Variants in CPQ observed in about 807,000 individuals in gnomAD.
The protein encoded by CPQ is Ser-Met dipeptidase.
CPQ carries 37 observed loss-of-function variants against 45.7 expected under a neutral mutation model. That is an observed-to-expected ratio of 0.81 (90% confidence interval 0.62 to 1.07). CPQ has a LOEUF of 1.07. CPQ is among the 50% of genes least tolerant of loss of function. The probability of loss-of-function intolerance (pLI) is 0.00; values close to 1 mark genes in which losing one functional copy is unlikely to be tolerated. For synonymous variants in CPQ, 186 were observed against 205.8 expected (o/e 0.90, Z 0.82); for missense variants, 537 against 572.9 (o/e 0.94, Z 0.64).
chr8:96,796,420 T>C (rs1810930005), intron 2 of CPQ, among the ~76,000 whole-genome samples: 1 of 152,236 alleles, frequency 6.6e-6, no homozygotes, highest in Middle Eastern at 3.2e-3. Context: ...TTGATTGTCC[T>C]ATTTTATTCA....
At chr8:97,130,932 A>C (rs1811944556) in intron 7 of CPQ, among the ~76,000 whole-genome samples, 1 of 152,268 alleles carries the variant, frequency 6.6e-6, no homozygotes, top group East Asian at 1.9e-4. Flanking sequence ...TTCATCAGGT[A>C]GTCAGTTAAA....
At chr8:96,722,824 C>T (rs1437136044) in intron 1 of CPQ, among the ~76,000 whole-genome samples, 1 of 152,116 alleles carries the variant, frequency 6.6e-6, no homozygotes, top group Non-Finnish European at 1.5e-5. Context: ...CATCTATTTT[C>T]TTGATTTCCC....
intron 2 of CPQ, among the ~76,000 whole-genome samples, chr8:96,808,370 A>C (rs1811113258): frequency 1.3e-5 from 2 of 152,154 alleles, no homozygotes; most frequent in South Asian, 4.1e-4. Context: ...ATGGGATCAC[A>C]GTGAGCCTGG....
intron 1 of CPQ, among the ~76,000 whole-genome samples, chr8:96,740,195 T>G (rs1810064550): frequency 6.6e-6 from 1 of 152,166 alleles, no homozygotes; most frequent in African/African-American, 2.4e-5. Context: ...GTAAGTTGGA[T>G]TCCTAGGTAT....
chr8:97,113,535 C>A (rs1341424514), intron 7 of CPQ, among the ~76,000 whole-genome samples: 6 of 152,194 alleles, frequency 3.9e-5, no homozygotes, highest in African/African-American at 1.4e-4. Flanking sequence ...CCTCAGTTTG[C>A]AAAACAGAGA....
chr8:96,865,846 T>C (rs1811990143), intron 3 of CPQ, among the ~76,000 whole-genome samples: 1 of 152,058 alleles, frequency 6.6e-6, no homozygotes, highest in African/African-American at 2.4e-5. Flanking sequence ...CATTTATTCA[T>C]GAAATATTTA....
chr8:97,017,156 G>T (rs140445279), intron 5 of CPQ, among the ~76,000 whole-genome samples: 52 of 152,318 alleles, frequency 3.4e-4, no homozygotes, highest in Middle Eastern at 3.4e-3. Context: ...GGAACCTGAA[G>T]TTCTAGAGTA....
intron 2 of CPQ, among the ~76,000 whole-genome samples, chr8:96,787,357 T>G (rs1469165919): frequency 6.6e-6 from 1 of 151,994 alleles, no homozygotes; most frequent in Admixed American, 6.6e-5. Context: ...TTACATTAAT[T>G]GATTTTCAAA....
intron 6 of CPQ, among the ~76,000 whole-genome samples, chr8:97,044,671 G>A (rs1810200585): frequency 6.6e-6 from 1 of 152,130 alleles, no homozygotes; most frequent in Non-Finnish European, 1.5e-5. Context: ...TGGTGTGGAT[G>A]TCCTTTCTGT....
At chr8:97,092,677 T>C (rs1264689269) in intron 7 of CPQ, 1 of 152,146 alleles carries the variant, frequency 6.6e-6, no homozygotes, top group Non-Finnish European at 1.5e-5. Flanking sequence ...CAACCCAAGA[T>C]TGATTAAAGA....
At chr8:96,868,556 T>G (rs995198600) in intron 3 of CPQ, among the ~76,000 whole-genome samples, 1 of 152,086 alleles carries the variant, frequency 6.6e-6, no homozygotes, top group African/African-American at 2.4e-5. Flanking sequence ...TTGTTCATAC[T>G]TTTCTGTTGC....
At chr8:97,047,874 C>G (rs1291389346) in intron 6 of CPQ, among the ~76,000 whole-genome samples, 1 of 152,200 alleles carries the variant, frequency 6.6e-6, no homozygotes, top group African/African-American at 2.4e-5. Flanking sequence ...GGACATTTCT[C>G]ACTGCCTTCA....
At chr8:96,847,893 C>CTTTTT (rs3036452) in intron 3 of CPQ, among the ~76,000 whole-genome samples, 3 of 67,350 alleles carry the variant, frequency 4.5e-5, no homozygotes, top group Non-Finnish European at 5.4e-5. Flanking sequence ...ATGAAAAGAG[C>CTTTTT]TTTTTTTTTT....
intron 4 of CPQ, among the ~76,000 whole-genome samples, chr8:96,956,551 G>T (rs1403613568): frequency 6.6e-6 from 1 of 152,060 alleles, no homozygotes; most frequent in Non-Finnish European, 1.5e-5. Flanking sequence ...AAATGGAAAA[G>T]AAGAGTTTTT....
chr8:97,123,043 TAAATAAAATAAAATAAAATAAAAA>T (rs1811761692), intron 7 of CPQ, among the ~76,000 whole-genome samples: 1 of 16,728 alleles, frequency 6.0e-5, no homozygotes, highest in Non-Finnish European at 1.1e-4. Context: ...TAAAATAAAA[TAAATAAAATAAAATAAAATAAAAA>T]AAATAAAATA....
At chr8:96,861,710 G>A (rs778489408) in intron 3 of CPQ, among the ~76,000 whole-genome samples, 10 of 152,018 alleles carry the variant, frequency 6.6e-5, no homozygotes, top group Admixed American at 4.6e-4. Flanking sequence ...TAATTACTCC[G>A]ATTATCTGGT....
intron 7 of CPQ, among the ~76,000 whole-genome samples, chr8:97,138,125 C>T (rs1812095706): frequency 6.6e-6 from 1 of 152,214 alleles, no homozygotes. Context: ...CTCCCAACCA[C>T]CATGGCTCCA....
chr8:96,964,831 A>G (rs1335136671), intron 4 of CPQ, among the ~76,000 whole-genome samples: 1 of 152,118 alleles, frequency 6.6e-6, no homozygotes, highest in Non-Finnish European at 1.5e-5. Context: ...CTGTGTTTAG[A>G]TATGTAATTC....
At chr8:96,764,823 C>T (rs376044468) in intron 1 of CPQ, among the ~76,000 whole-genome samples, 111 of 152,264 alleles carry the variant, frequency 7.3e-4, no homozygotes, top group African/African-American at 2.5e-3. Flanking sequence ...AGCATGAAAC[C>T]ACCCAAATGC....
Sources: gnomAD v4.1 joint callset for allele counts (sites outside exome capture counted in the v4.1 genomes callset) on GRCh38, gnomAD v4.1.1 for gene constraint, MANE v1.5 for transcripts, NCBI Gene and HGNC (gene_info 2026-07-23, HGNC 2026-07-21) for gene names.